The following SYCN variants were observed in gnomAD, a reference collection of about 807,000 sequenced individuals.
SYCN encodes insulin synthesis associated 1.
Under a neutral mutation model 12.6 loss-of-function variants are expected in SYCN, and 16 were observed. The ratio of observed to expected loss-of-function variants is 1.27; its 90% confidence interval spans 0.86 to 1.92. SYCN has a LOEUF of 1.92. SYCN is among the 30% of genes most tolerant of loss of function. The pLI, the probability that SYCN is intolerant of heterozygous loss-of-function variation, is 0.00. For missense variants in SYCN, 226 were observed against 181.8 expected (o/e 1.24, Z -1.40); for synonymous variants, 97 against 88.4 (o/e 1.10, Z -0.55).
chr19:39,203,937 G>A lies in SYCN; in HGVS notation c.318C>T (p.Gly106=), dbSNP rs61641657. Residue 106 remains glycine, a synonymous_variant, in exon 1 of 2, where the codon GGC becomes GGT. Transcript: ENST00000318438. ...KAGKTHKFSA[G]TYPRLEEYRR... is the part of the protein sequence containing the mutation. The stretch of plus-strand genomic sequence containing the variant: ...GGTACTCCTCCAGGCGCGGGTAGGT[G>A]CCGGCAGAGAACTTGTGCGTCTTGC... 1 of 1,610,524 alleles carries A rather than the reference G, an allele frequency of 6.2e-7. No individual in the cohort carries two copies. The highest frequency in any genetic ancestry group is 8.5e-7 in the Non-Finnish European group (1 of 1,178,668).
rs1240144759 is a variant in SYCN at position 39,204,021 on chromosome 19, G to C, written c.234C>G (p.Ser78=). The change falls in exon 1 of 2, where the codon TCC becomes TCG. Residue 78 remains serine (S), a synonymous_variant. Coordinates refer to ENST00000318438, the MANE Select transcript of SYCN (RefSeq NM_001080468.4). ...CGCAGCGCGGGGCCACCACAAGTGA[G>C]GAGGCGGTGTTGGCCCAGTTGGAGG... The part of the protein sequence containing the change: ...YLPSNWANTA[S]SLVVAPRCEL... 7 of 1,611,788 alleles carry C rather than the reference G, an allele frequency of 4.3e-6. No homozygotes were observed. The highest frequency in any genetic ancestry group is 3.4e-5 in the Admixed American group (2 of 59,696).
At chr19:39,203,100 G>A in intron 1 of SYCN, 104 bp from the exon 2 acceptor site, 1 of 1,259,720 alleles carries the variant, frequency 7.9e-7, no homozygotes, top group African/African-American at 1.5e-5. Context: ...CTGGGTCTGA[G>A]GCTCCAAGTT....
rs946404042 is a variant in SYCN at position 39,203,807 on chromosome 19, C to T, written c.395+53G>A. The stretch of plus-strand genomic sequence containing the variant: ...TGGGTGGTGGGTGTGGGGGCTTATG[C>T]GGAGCTGGGGCCTGGGCCTGGGGTG... On this transcript the variant is annotated intron_variant, in intron 1 of 1. Coordinates refer to ENST00000318438, the MANE Select transcript of SYCN (RefSeq NM_001080468.4). The T allele has an allele frequency of 2.0e-5, 30 of 1,525,080 alleles. No homozygotes were observed. In the African/African-American group the frequency reaches 3.4e-4, roughly 18 times the overall value. 94.5% of individuals were successfully genotyped at this position (1,525,080 alleles called of 1,614,324 possible). A position where few individuals can be genotyped will look rare whatever the true frequency, so the allele number is the denominator to read the frequency against.
rs939053005 is a variant in SYCN, at chr19:39,204,219, G to A, written c.36C>T (p.Ala12=). Residue 12 remains alanine, a synonymous_variant, in exon 1 of 2, where the codon GCC becomes GCT. Coordinates refer to ENST00000318438, the MANE Select transcript of SYCN (RefSeq NM_001080468.4). ...SPLRPLLLAL[A]LASVPCAQGA... Reference sequence around the variant, plus strand: ...CCTGGGCGCAAGGCACGGAGGCAAGGGCCAGGGCCAGCAGCAGCGGGCGCA... The same window carrying A: ...CCTGGGCGCAAGGCACGGAGGCAAGAGCCAGGGCCAGCAGCAGCGGGCGCA... 27 of 1,600,054 alleles carry A rather than the reference G, an allele frequency of 1.7e-5. No individual in the cohort carries two copies. Among genetic ancestry groups the A allele is most frequent in the Non-Finnish European group, 2.0e-5 (24 of 1,175,362 alleles).
At chr19:39,203,123 A>ATCCCTGGT in intron 1 of SYCN, 127 bp from the exon 2 acceptor site, 1 of 987,706 alleles carries the variant, frequency 1.0e-6, no homozygotes, top group Non-Finnish European at 1.5e-6. Flanking sequence ...GGAACCAGGG[A>ATCCCTGGT]TCCTAGCCTG....
chr19:39,203,850 G>T lies in SYCN; in HGVS notation c.395+10C>A, dbSNP rs780817640. On this transcript the variant is annotated intron_variant, in intron 1 of 1. Coordinates refer to ENST00000318438, the MANE Select transcript of SYCN (RefSeq NM_001080468.4). ...CTGGGGTGGGCTCGGAGCTTTGGGC[G>T]GCCGGGCACCTGCAGTAGAGCGCGG... 1.1e-5 allele frequency: 17 copies of T among 1,569,782 alleles called. No homozygotes were observed. Among genetic ancestry groups the T allele is most frequent in the Non-Finnish European group, 1.4e-5 (16 of 1,154,176 alleles).
At chr19:39,203,446 G>T (rs560059054) in intron 1 of SYCN, among the ~76,000 whole-genome samples, 2 of 152,080 alleles carry the variant, frequency 1.3e-5, no homozygotes, top group East Asian at 1.9e-4. Flanking sequence ...AGTGGGGGCT[G>T]GCTTTGGTTC....
Position 39,203,858 on chromosome 19 carries a change from A to G in SYCN, c.395+2T>C, listed in dbSNP as rs1162466951. 1.1e-5 allele frequency: 17 copies of G among 1,577,374 alleles called. No individual in the cohort carries two copies. The highest frequency in any genetic ancestry group is 1.5e-5 in the Non-Finnish European group (17 of 1,157,608). ...GGCTCGGAGCTTTGGGCGGCCGGGCACCTGCAGTAGAGCGCGGAGATAGCG... is the reference window on the plus strand; with the variant it reads ...GGCTCGGAGCTTTGGGCGGCCGGGCGCCTGCAGTAGAGCGCGGAGATAGCG... On this transcript the variant is annotated splice_donor_variant, in intron 1 of 1. Transcript: ENST00000318438. LOFTEE classifies it high-confidence loss of function.
chr19:39,203,726 G>A, intron 1 of SYCN, 134 bp downstream of exon 1: 1 of 1,082,916 alleles, frequency 9.2e-7, no homozygotes, highest in Non-Finnish European at 1.3e-6. Context: ...TTCTAGGGAG[G>A]CCTGGTGCTC....
chr19:39,203,867 A>G lies in SYCN; in HGVS notation c.388T>C (p.Tyr130His). The change falls in exon 1 of 2, where the codon TAC becomes CAC. Residue 130 changes from tyrosine to histidine, a missense_variant. By Grantham distance (83) the Tyr-to-His change is moderately conservative (BLOSUM62 2). Coordinates refer to ENST00000318438, the MANE Select transcript of SYCN (RefSeq NM_001080468.4). ...GDWSNAISAL[Y>H]CRCS Reference sequence around the variant, plus strand: ...CTTTGGGCGGCCGGGCACCTGCAGTAGAGCGCGGAGATAGCGTTGGACCAG... The same window carrying G: ...CTTTGGGCGGCCGGGCACCTGCAGTGGAGCGCGGAGATAGCGTTGGACCAG... 1 of 1,591,242 alleles carries G rather than the reference A, an allele frequency of 6.3e-7. No homozygotes were observed.
rs558332830 is a variant in SYCN at position 39,203,812 on chromosome 19, C to T, written c.395+48G>A. On this transcript the variant is annotated intron_variant, in intron 1 of 1. Transcript: ENST00000318438. ...GGTGGGTGTGGGGGCTTATGCGGAG[C>T]TGGGGCCTGGGCCTGGGGTGGGCTC... The T allele has an allele frequency of 4.6e-6, 7 of 1,536,658 alleles. No homozygotes were observed. The South Asian group carries it at 6.4e-5, about 14-fold the overall frequency.
At position 39,203,874 on chromosome 19, in the gene SYCN, G is replaced by A. The variant is rs1292987956; in HGVS notation, c.381C>T (p.Ser127=). 2.5e-6 allele frequency: 4 copies of A among 1,598,692 alleles called. No individual in the cohort carries two copies. Among genetic ancestry groups the A allele is most frequent in the Admixed American group, 1.7e-5 (1 of 59,278 alleles). The change falls in exon 1 of 2, where the codon TCC becomes TCT. Residue 127 remains serine (S), a synonymous_variant. Coordinates refer to ENST00000318438, the MANE Select transcript of SYCN (RefSeq NM_001080468.4). ...GILGDWSNAI[S]ALYCRCS ...CGGCCGGGCACCTGCAGTAGAGCGC[G>A]GAGATAGCGTTGGACCAGTCTCCTA...
chr19:39,203,139 T>G, intron 1 of SYCN, 143 bp from the exon 2 acceptor site: 1 of 877,706 alleles, frequency 1.1e-6, no homozygotes, highest in Non-Finnish European at 1.8e-6. Context: ...GCCTGGGAGT[T>G]TGGAGCTGGG....
At position 39,203,935 on chromosome 19, in the gene SYCN, G is replaced by A; in HGVS notation, c.320C>T (p.Thr107Ile). The change falls in exon 1 of 2, where the codon ACC (threonine) becomes ATC (isoleucine). Residue 107 changes from threonine (T) to isoleucine (I), a missense_variant. Thr to Ile is a moderately conservative substitution (Grantham distance 89, BLOSUM62 -1). Coordinates refer to ENST00000318438, the MANE Select transcript of SYCN (RefSeq NM_001080468.4). ...AGKTHKFSAG[T>I]YPRLEEYRRG... ...GCGGTACTCCTCCAGGCGCGGGTAGGTGCCGGCAGAGAACTTGTGCGTCTT... is the reference window on the plus strand; with the variant it reads ...GCGGTACTCCTCCAGGCGCGGGTAGATGCCGGCAGAGAACTTGTGCGTCTT... 2 of 1,610,996 alleles carry A rather than the reference G, an allele frequency of 1.2e-6. No individual in the cohort carries two copies. Among genetic ancestry groups the A allele is most frequent in the Non-Finnish European group, 1.7e-6 (2 of 1,178,778 alleles).
In SYCN at chr19:39,204,116, G is replaced by C; in HGVS notation, c.139C>G (p.Pro47Ala). 6.2e-7 allele frequency: 1 copy of C among 1,613,056 alleles called. No individual in the cohort carries two copies. Among genetic ancestry groups the C allele is most frequent in the Non-Finnish European group, 8.5e-7 (1 of 1,179,718 alleles). Residue 47 changes from proline (P) to alanine (A), a missense_variant, in exon 1 of 2, where the codon CCC (proline) becomes GCC (alanine). Physicochemically the swap from Pro to Ala is conservative, Grantham distance 27. Transcript: ENST00000318438. The part of the protein sequence containing the change: ...TCAKLYDKSD[P>A]YYENCCGGAE... The stretch of plus-strand genomic sequence containing the variant: ...CCCCCGCAGCAGTTCTCATAGTAGG[G>C]GTCGCTCTTGTCATAGAGCTTGGCG...
In SYCN at chr19:39,204,213, GGCAAGGGCCAGGGCCAGCAGCAGCGGGC is replaced by G; in HGVS notation, c.14_41del (p.Arg5ProfsTer106). ...AGGCGCCCTGGGCGCAAGGCACGGA[GGCAAGGGCCAGGGCCAGCAGCAGCGGGC>G]GCAGCGGGGACATGGTGGCAGTGCC... On this transcript the variant is annotated frameshift_variant, in exon 1 of 2. Coordinates refer to ENST00000318438, the MANE Select transcript of SYCN (RefSeq NM_001080468.4). LOFTEE classifies it high-confidence loss of function. The G allele has an allele frequency of 6.2e-7, 1 of 1,606,160 alleles. No homozygotes were observed. Among genetic ancestry groups the G allele is most frequent in the Non-Finnish European group, 8.5e-7 (1 of 1,178,110 alleles).
In SYCN at chr19:39,203,946, G is replaced by C. The variant is rs759798815; in HGVS notation, c.309C>G (p.Phe103Leu). The change falls in exon 1 of 2, where the codon TTC becomes TTG. Residue 103 changes from phenylalanine to leucine, a missense_variant. Phe to Leu is a conservative substitution (Grantham distance 22, BLOSUM62 0). Coordinates refer to ENST00000318438, the MANE Select transcript of SYCN (RefSeq NM_001080468.4). ...RQGKAGKTHK[F>L]SAGTYPRLEE... is the part of the protein sequence containing the mutation. ...CCAGGCGCGGGTAGGTGCCGGCAGA[G>C]AACTTGTGCGTCTTGCCCGCCTTGC... 12 of 1,609,922 alleles carry C rather than the reference G, an allele frequency of 7.5e-6. No individual in the cohort carries two copies. The South Asian group carries it at 1.1e-4, about 15-fold the overall frequency.
Position 39,203,089 on chromosome 19 carries a change from T to C in SYCN, c.396-93A>G, listed in dbSNP as rs996598154. The C allele has an allele frequency of 5.1e-6, 7 of 1,378,872 alleles. No individual in the cohort carries two copies. The Admixed American group carries it at 6.1e-5, about 12-fold the overall frequency. 85.4% of individuals were successfully genotyped at this position (1,378,872 alleles called of 1,614,324 possible). The stretch of plus-strand genomic sequence containing the variant: ...CTGAGACTGGGTGGGGGCTGGGGAG[T>C]CTGGGTCTGAGGCTCCAAGTTCAGG... On this transcript the variant is annotated intron_variant, in intron 1 of 1. Coordinates refer to ENST00000318438, the MANE Select transcript of SYCN (RefSeq NM_001080468.4).
chr19:39,202,934 G>A lies in SYCN; in HGVS notation c.*53C>T, dbSNP rs1032969437. 6.4e-6 allele frequency: 10 copies of A among 1,568,266 alleles called. No homozygotes were observed. Among genetic ancestry groups the A allele is most frequent in the Non-Finnish European group, 8.6e-6 (10 of 1,158,558 alleles). On this transcript the variant is annotated 3_prime_UTR_variant, in exon 2 of 2. Transcript: ENST00000318438. ...CCGGAGCAGAGCCCAGGGATGGGCT[G>A]AGTGAGGGGCTTGGCACTCTGTGGA... is the stretch of plus-strand genomic sequence containing the variant.
Sources: allele counts gnomAD v4.1 joint callset (sites outside exome capture counted in the v4.1 genomes callset), GRCh38; gene constraint gnomAD v4.1.1; transcripts MANE v1.5; gene names NCBI Gene and HGNC (gene_info 2026-07-23, HGNC 2026-07-21).